COG6: variants seen among roughly 807,000 people sequenced by gnomAD.
COG6 encodes the protein component of oligomeric golgi complex 6, also known as conserved oligomeric Golgi complex subunit 6.
In COG6, 74 loss-of-function variants were observed where a neutral mutation model predicts 88.8. That is an observed-to-expected ratio of 0.83 (90% CI 0.69 to 1.01). The LOEUF (loss-of-function observed/expected upper bound fraction) is 1.01, where lower values mean the gene tolerates loss of function less well. Among genes scored for constraint, COG6 ranks in the 50% least tolerant of loss-of-function variants. The pLI, the probability that COG6 is intolerant of heterozygous loss-of-function variation, is 0.00. For missense variants in COG6, 800 were observed against 797.9 expected (o/e 1.00, Z -0.03); for synonymous variants, 286 against 278.7 (o/e 1.03, Z -0.26).
rs549342041 is a variant in COG6, at chr13:39,657,124, C to T, written c.153+1245C>T. Among the ~76,000 whole-genome samples, 64 of 152,276 alleles carry T rather than the reference C, an allele frequency of 4.2e-4. 1 individual carries two copies. The South Asian group carries it at 7.1e-3, about 17-fold the overall frequency. On this transcript the variant is annotated intron_variant, in intron 1 of 18. Coordinates refer to ENST00000455146, the MANE Select transcript of COG6 (RefSeq NM_020751.3). ...TCGGCTCACTGCAACCTCTGCCTCC[C>T]GGGTTCAAGCGATTCTCCTGCCTCA...
intron 4 of COG6, among the ~76,000 whole-genome samples, chr13:39,669,532 C>T (rs1476493060): frequency 1.3e-5 from 2 of 152,104 alleles, no homozygotes; most frequent in Non-Finnish European, 2.9e-5. Context: ...TTCTTATTCT[C>T]CTTTTTGTAT....
chr13:39,766,598 A>G (rs1016668350), intron 18 of COG6, among the ~76,000 whole-genome samples: 1 of 152,140 alleles, frequency 6.6e-6, no homozygotes, highest in Non-Finnish European at 1.5e-5. Context: ...GAGCAGTGGA[A>G]TATCTTAACA....
Position 39,723,322 on chromosome 13 carries a change from T to C in COG6, c.1585-11T>C. On this transcript the variant is annotated splice_polypyrimidine_tract_variant and intron_variant, in intron 15 of 18. Coordinates refer to ENST00000455146, the MANE Select transcript of COG6 (RefSeq NM_020751.3). ...CTTCTTTTAAAATGTTTTCTTTGTG[T>C]TTTATTTTAGATCGAAGCACATTTG... 1.9e-6 allele frequency: 3 copies of C among 1,544,896 alleles called. No individual in the cohort carries two copies. The South Asian group carries it at 3.3e-5, about 17-fold the overall frequency.
intron 18 of COG6, among the ~76,000 whole-genome samples, chr13:39,731,507 A>G (rs562296068): frequency 1.7e-4 from 26 of 152,350 alleles, no homozygotes; most frequent in Non-Finnish European, 3.4e-4. Flanking sequence ...TACAGAAACC[A>G]CAGTTGTGCA....
At chr13:39,663,956 T>A (rs1455891887) in intron 3 of COG6, 1 of 152,480 alleles carries the variant, frequency 6.6e-6, no homozygotes, top group Non-Finnish European at 1.5e-5. Context: ...TCTTAAAAAA[T>A]CTATTTCCTG....
intron 5 of COG6, among the ~76,000 whole-genome samples, 172 bp downstream of exon 5, chr13:39,677,751 T>C (rs1876060463): frequency 6.6e-6 from 1 of 152,238 alleles, no homozygotes; most frequent in African/African-American, 2.4e-5. Context: ...GTAATACATG[T>C]ACTTTTTAAA....
Position 39,679,982 on chromosome 13 carries a change from A to C in COG6, c.631A>C (p.Ile211Leu), listed in dbSNP as rs561007359. Residue 211 changes from isoleucine to leucine, a missense_variant, in exon 7 of 19, where the codon ATT becomes CTT. By Grantham distance (5) the Ile-to-Leu change is conservative (BLOSUM62 2). Transcript: ENST00000455146. ...TCATTAATTTTTTTTTAGTTTAGAAATTATGGAACAGATGGCCTTACTTCA... is the reference window on the plus strand; with the variant it reads ...TCATTAATTTTTTTTTAGTTTAGAACTTATGGAACAGATGGCCTTACTTCA... The part of the protein sequence containing the change: ...RTNQQTAGLE[I>L]MEQMALLQET... 6.5e-7 allele frequency: 1 copy of C among 1,544,642 alleles called. No individual in the cohort carries two copies. Among genetic ancestry groups the C allele is most frequent in the African/African-American group, 1.4e-5 (1 of 73,688 alleles).
At chr13:39,778,041 A>G (rs1393914261) in intron 18 of COG6, among the ~76,000 whole-genome samples, 2 of 152,196 alleles carry the variant, frequency 1.3e-5, no homozygotes, top group African/African-American at 2.4e-5. Flanking sequence ...AAGCAGTCCT[A>G]ATCAACACAT....
intron 13 of COG6, among the ~76,000 whole-genome samples, chr13:39,714,082 C>T (rs1380698275): frequency 6.6e-6 from 1 of 152,140 alleles, no homozygotes; most frequent in East Asian, 1.9e-4. Flanking sequence ...TGACTTTAGC[C>T]TTAAATTTAA....
chr13:39,741,529 G>A (rs1319147995), intron 18 of COG6, among the ~76,000 whole-genome samples: 1 of 151,892 alleles, frequency 6.6e-6, no homozygotes, highest in East Asian at 1.9e-4. Flanking sequence ...TCAAATTAAT[G>A]AAATCAAGAA....
At chr13:39,672,799 A>C (rs1044799693) in intron 4 of COG6, among the ~76,000 whole-genome samples, 4 of 152,014 alleles carry the variant, frequency 2.6e-5, no homozygotes, top group Admixed American at 1.3e-4. Context: ...TAACTCTTTA[A>C]GTGTTTGAGG....
intron 13 of COG6, among the ~76,000 whole-genome samples, chr13:39,711,040 ATC>A (rs1340282639): frequency 2.0e-5 from 3 of 150,776 alleles, no homozygotes; most frequent in Non-Finnish European, 4.5e-5. Flanking sequence ...TTCCATGTTT[ATC>A]TTTTTTTTTT....
At position 39,727,551 on chromosome 13, in the gene COG6, A is replaced by C. The variant is rs768907183; in HGVS notation, c.1826+3A>C. On this transcript the variant is annotated splice_donor_region_variant and intron_variant, in intron 18 of 18. Transcript: ENST00000455146. ...TTTCTTCTAAGTGCCACAGTGAAGTAAGTATTTTTGGTCCCAAGTAGTTGG... is the reference window on the plus strand; with the variant it reads ...TTTCTTCTAAGTGCCACAGTGAAGTCAGTATTTTTGGTCCCAAGTAGTTGG... The C allele has an allele frequency of 3.7e-6, 6 of 1,608,410 alleles. No homozygotes were observed. The highest frequency in any genetic ancestry group is 5.1e-6 in the Non-Finnish European group (6 of 1,174,948).
intron 4 of COG6, among the ~76,000 whole-genome samples, chr13:39,670,568 A>G (rs189316138): frequency 1.1e-3 from 173 of 152,180 alleles, no homozygotes; most frequent in African/African-American, 3.9e-3. Context: ...GAAAATATCT[A>G]TGTCATGGGG....
intron 18 of COG6, among the ~76,000 whole-genome samples, chr13:39,775,488 T>G (rs1881437125): frequency 6.6e-6 from 1 of 152,190 alleles, no homozygotes; most frequent in Admixed American, 6.5e-5. Flanking sequence ...TGGGATCCAG[T>G]CCTGACTTTG....
At chr13:39,745,784 G>C (rs556361933) in intron 18 of COG6, among the ~76,000 whole-genome samples, 180 of 152,248 alleles carry the variant, frequency 1.2e-3, no homozygotes, top group African/African-American at 4.1e-3. Flanking sequence ...ACATGCACAC[G>C]TATGTTTATT....
intron 11 of COG6, 102 bp from the exon 12 acceptor site, chr13:39,694,532 A>G: frequency 1.4e-6 from 1 of 692,962 alleles, no homozygotes. Flanking sequence ...TCTCTGCAGT[A>G]ATAAAATTTT....
At chr13:39,734,362 G>A (rs915737885) in intron 18 of COG6, among the ~76,000 whole-genome samples, 2 of 151,794 alleles carry the variant, frequency 1.3e-5, no homozygotes, top group African/African-American at 4.8e-5. Flanking sequence ...TAGCCCACTG[G>A]TTATTCAGGA....
intron 13 of COG6, among the ~76,000 whole-genome samples, chr13:39,707,552 A>G (rs1878011135): frequency 6.6e-6 from 1 of 152,182 alleles, no homozygotes; most frequent in Non-Finnish European, 1.5e-5. Flanking sequence ...AGCCCTTCAG[A>G]AGGCATCCTC....
Sources: allele counts gnomAD v4.1 joint callset (sites outside exome capture counted in the v4.1 genomes callset), GRCh38; gene constraint gnomAD v4.1.1; transcripts MANE v1.5; gene names NCBI Gene and HGNC (gene_info 2026-07-23, HGNC 2026-07-21).